GALNT13: variants seen among roughly 807,000 people sequenced by gnomAD.
GALNT13 encodes the protein polypeptide N-acetylgalactosaminyltransferase 13, also known as UDP-GalNAc:polypeptide N-acetylgalactosaminyltransferase 13.
GALNT13 carries 28 observed loss-of-function variants against 64.2 expected under a neutral mutation model. The ratio of observed to expected loss-of-function variants is 0.44; its 90% confidence interval spans 0.32 to 0.60. GALNT13 has a LOEUF of 0.60. Ranked by LOEUF, GALNT13 falls within the 20% of genes least tolerant of loss-of-function variation. The pLI is 0.05. For missense variants in GALNT13, 577 were observed against 669.8 expected, an observed-to-expected ratio of 0.86 and a Z score of 1.53; for synonymous variants, 214 against 224.6, an observed-to-expected ratio of 0.95 and a Z score of 0.42.
chr2:153,944,549 G>T lies in GALNT13; in HGVS notation c.52G>T (p.Val18Phe), dbSNP rs775542419. Residue 18 changes from valine (V) to phenylalanine (F), a missense_variant, in exon 3 of 13, where the codon GTT becomes TTT. Coordinates refer to ENST00000392825, the MANE Select transcript of GALNT13 (RefSeq NM_052917.4). ...GGTTCTAGCCACTTCGCTGATGTGG[G>T]TTCTTGTTGATGTCTTCTTACTGCT... is the stretch of plus-strand genomic sequence containing the variant. ...KVVLATSLMW[V>F]LVDVFLLLYF... 1.9e-6 allele frequency: 3 copies of T among 1,613,450 alleles called. No homozygotes were observed. Among genetic ancestry groups the T allele is most frequent in the South Asian group, 2.2e-5 (2 of 91,044 alleles).
At chr2:154,410,007 A>G (rs956069600) in intron 11 of GALNT13, among the ~76,000 whole-genome samples, 2 of 151,968 alleles carry the variant, frequency 1.3e-5, no homozygotes, top group Non-Finnish European at 2.9e-5. Context: ...ATTAAAAGGA[A>G]GTTTCTCCCT....
At chr2:153,750,419 C>T in the GALNT13 span, among the ~76,000 whole-genome samples, 6 of 151,698 alleles carry the variant, frequency 4.0e-5, no homozygotes, top group South Asian at 2.1e-4. Flanking sequence ...TTTCTTTAAA[C>T]GTTTCATAGA....
At chr2:153,814,503 AAAT>A in the GALNT13 span, among the ~76,000 whole-genome samples, 1 of 134,688 alleles carries the variant, frequency 7.4e-6, no homozygotes, top group African/African-American at 2.7e-5. Context: ...ATAAATAAAT[AAAT>A]AAAACAATTC....
intron 1 of GALNT13, among the ~76,000 whole-genome samples, chr2:153,877,388 A>G (rs1342723006): frequency 6.6e-6 from 1 of 152,118 alleles, no homozygotes; most frequent in Non-Finnish European, 1.5e-5. Context: ...TTGTTGACAC[A>G]TTGGTGAACG....
At chr2:154,138,096 C>T (rs1305147800) in intron 3 of GALNT13, among the ~76,000 whole-genome samples, 1 of 151,990 alleles carries the variant, frequency 6.6e-6, no homozygotes, top group Non-Finnish European at 1.5e-5. Context: ...TCATAGTTTT[C>T]CCCATACATT....
chr2:154,138,570 T>C (rs1015298380), intron 3 of GALNT13, among the ~76,000 whole-genome samples: 75 of 134,420 alleles, frequency 5.6e-4, no homozygotes, highest in South Asian at 2.3e-4. Context: ...GTCCAAGATA[T>C]GTTAAAAAAA....
the GALNT13 span, among the ~76,000 whole-genome samples, chr2:153,163,978 A>G: frequency 2.0e-5 from 3 of 150,300 alleles, no homozygotes; most frequent in East Asian, 2.0e-4. Context: ...AGATCGCGCC[A>G]CTGCACTCCA....
chr2:153,634,782 C>T, the GALNT13 span, among the ~76,000 whole-genome samples: 3 of 151,900 alleles, frequency 2.0e-5, no homozygotes, highest in African/African-American at 7.2e-5. Flanking sequence ...AACTCCTGAC[C>T]TCGTGATCTG....
chr2:153,208,372 G>A, the GALNT13 span, among the ~76,000 whole-genome samples: 1 of 152,074 alleles, frequency 6.6e-6, no homozygotes, highest in African/African-American at 2.4e-5. Context: ...TTTCCAGAAA[G>A]TCATTTATAT....
the GALNT13 span, among the ~76,000 whole-genome samples, chr2:153,714,696 A>T: frequency 1.3e-5 from 2 of 152,238 alleles, no homozygotes; most frequent in Non-Finnish European, 2.9e-5. Context: ...AGCTCCCACC[A>T]GCCAAATGAA....
At chr2:154,203,693 C>A (rs1687291368) in intron 4 of GALNT13, among the ~76,000 whole-genome samples, 2 of 152,070 alleles carry the variant, frequency 1.3e-5, no homozygotes, top group East Asian at 1.9e-4. Context: ...TTCCAGGAGT[C>A]TTTCTTGATT....
At chr2:154,398,263 C>T (rs1699146178) in intron 10 of GALNT13, among the ~76,000 whole-genome samples, 1 of 152,052 alleles carries the variant, frequency 6.6e-6, no homozygotes, top group Non-Finnish European at 1.5e-5. Flanking sequence ...GGAGGAATGA[C>T]CAAGGGCTAT....
the GALNT13 span, among the ~76,000 whole-genome samples, chr2:153,593,649 A>G: frequency 6.6e-6 from 1 of 152,208 alleles, no homozygotes; most frequent in Non-Finnish European, 1.5e-5. Flanking sequence ...GGTTTAGGAA[A>G]GATGGTATCA....
intron 4 of GALNT13, among the ~76,000 whole-genome samples, chr2:154,229,044 C>A (rs913123186): frequency 7.2e-5 from 11 of 151,858 alleles, no homozygotes; most frequent in African/African-American, 2.7e-4. Context: ...ATACCCGGGG[C>A]AAGCCTCTTG....
chr2:154,348,549 C>A (rs1179175496), intron 9 of GALNT13, among the ~76,000 whole-genome samples: 2 of 151,908 alleles, frequency 1.3e-5, no homozygotes, highest in African/African-American at 4.8e-5. Flanking sequence ...TGTGTTCATT[C>A]CCTCCTGACA....
At chr2:153,426,302 A>G in the GALNT13 span, among the ~76,000 whole-genome samples, 8 of 151,808 alleles carry the variant, frequency 5.3e-5, no homozygotes, top group Non-Finnish European at 1.0e-4. Context: ...TCTAAAGAAC[A>G]AGACCATAGG....
chr2:153,697,491 G>GA, the GALNT13 span, among the ~76,000 whole-genome samples: 1 of 151,634 alleles, frequency 6.6e-6, no homozygotes, highest in Admixed American at 6.6e-5. Flanking sequence ...CATTGGCTGA[G>GA]AAAAAAAATG....
At chr2:153,405,673 C>A in the GALNT13 span, among the ~76,000 whole-genome samples, 1 of 152,114 alleles carries the variant, frequency 6.6e-6, no homozygotes, top group South Asian at 2.1e-4. Flanking sequence ...CAAATTGAAA[C>A]TGTAAGAACA....
intron 4 of GALNT13, among the ~76,000 whole-genome samples, chr2:154,145,171 T>C (rs1426571253): frequency 1.3e-5 from 2 of 148,752 alleles, no homozygotes; most frequent in East Asian, 2.0e-4. Context: ...TATTTATATG[T>C]ATAAATAAAA....
Sources: gnomAD v4.1 joint callset for allele counts (sites outside exome capture counted in the v4.1 genomes callset) on GRCh38, gnomAD v4.1.1 for gene constraint, MANE v1.5 for transcripts, NCBI Gene and HGNC (gene_info 2026-07-23, HGNC 2026-07-21) for gene names.